Variants in NTN5 observed in about 807,000 individuals in gnomAD.
The protein encoded by NTN5 is netrin 5, also known as netrin-5.
NTN5 carries 42 observed loss-of-function variants against 38.7 expected under a neutral mutation model. That is an observed-to-expected ratio of 1.08 (90% confidence interval 0.85 to 1.40). The LOEUF is 1.40. Among genes scored for constraint, NTN5 ranks in the 40% most tolerant of loss-of-function variants. The pLI, the probability that NTN5 is intolerant of heterozygous loss-of-function variation, is 0.00. For missense variants in NTN5, 658 were observed against 716.5 expected, an observed-to-expected ratio of 0.92 and a Z score of 0.93; for synonymous variants, 329 against 303.9, an observed-to-expected ratio of 1.08 and a Z score of -0.86.
At chr19:48,663,878 C>G in intron 4 of NTN5, 64 bp from the exon 5 acceptor site, 2 of 1,519,598 alleles carry the variant, frequency 1.3e-6, no homozygotes, top group Non-Finnish European at 1.8e-6. Context: ...CGCCCCTGCC[C>G]CGGGAATCCA....
At chr19:48,669,627 C>T (rs1373055360) in intron 2 of NTN5, among the ~76,000 whole-genome samples, 1 of 394 alleles carries the variant, frequency 2.5e-3, no homozygotes, top group Non-Finnish European at 4.1e-3. Context: ...ACCATCACCA[C>T]CACCAGTCAT....
rs1212762367 is a variant in NTN5 at position 48,670,355 on chromosome 19, C to G, written c.631+1G>C. The stretch of plus-strand genomic sequence containing the variant: ...GGGAGAGTGAGGGGCGCAGGACTCA[C>G]GTAGGCAAGGGTGGGGGTGCCGGGG... On this transcript the variant is annotated splice_donor_variant, in intron 2 of 6. Coordinates refer to ENST00000270235, the MANE Select transcript of NTN5 (RefSeq NM_145807.4). LOFTEE classifies it high-confidence loss of function. The G allele has an allele frequency of 4.1e-5, 58 of 1,409,436 alleles. No individual in the cohort carries two copies. The highest frequency in any genetic ancestry group is 4.8e-5 in the Non-Finnish European group (52 of 1,082,754). The allele number at this position is 1,409,436 out of a possible 1,614,324, so 87.3% of individuals were successfully genotyped here. A position where few individuals can be genotyped will look rare whatever the true frequency, so the allele number is the denominator to read the frequency against.
At chr19:48,668,857 A>G (rs1001457049) in intron 2 of NTN5, among the ~76,000 whole-genome samples, 16 of 152,052 alleles carry the variant, frequency 1.1e-4, no homozygotes, top group African/African-American at 3.9e-4. Context: ...TTCCCCTACA[A>G]CTGTTCAATA....
intron 3 of NTN5, 91 bp downstream of exon 3, chr19:48,664,488 A>T: frequency 1.6e-6 from 2 of 1,278,478 alleles, no homozygotes; most frequent in South Asian, 1.6e-5. Context: ...CCTCAGATCC[A>T]GGAATCCAGG....
At chr19:48,669,477 T>G (rs1477119933) in intron 2 of NTN5, among the ~76,000 whole-genome samples, 2 of 63,322 alleles carry the variant, frequency 3.2e-5, no homozygotes, top group Admixed American at 1.7e-4. Flanking sequence ...ATCACCACCA[T>G]CACCACCATC....
intron 2 of NTN5, among the ~76,000 whole-genome samples, chr19:48,669,369 C>T (rs865971099): frequency 1.7e-5 from 1 of 58,906 alleles, no homozygotes. Context: ...ACCACCATCA[C>T]CACCACCACC....
rs775253130 is a variant in NTN5, at chr19:48,670,435, C to A, written c.552G>T (p.Pro184=). Reference sequence around the variant, plus strand: ...GGGACGGGCGGCAGCTCTCGCACCCCGGGCCAGTGGTATGGTGGCGGCAGT... The same window carrying A: ...GGGACGGGCGGCAGCTCTCGCACCCAGGGCCAGTGGTATGGTGGCGGCAGT... ...RCHCRHHTTG[P]GCESCRPSHR... Residue 184 remains proline, a synonymous_variant, in exon 2 of 7, where the codon CCG becomes CCT. Transcript: ENST00000270235. 6.8e-7 allele frequency: 1 copy of A among 1,461,330 alleles called. No homozygotes were observed. Among genetic ancestry groups the A allele is most frequent in the East Asian group, 2.5e-5 (1 of 39,512 alleles). 90.5% of individuals were successfully genotyped at this position (1,461,330 alleles called of 1,614,324 possible). A position where few individuals can be genotyped will look rare whatever the true frequency, so the allele number is the denominator to read the frequency against.
intron 1 of NTN5, 46 bp downstream of exon 1, chr19:48,672,886 C>A: frequency 5.0e-6 from 1 of 198,844 alleles, no homozygotes. Context: ...TGGCTCTTGG[C>A]ATGCACCCCC....
At position 48,670,423 on chromosome 19, in the gene NTN5, G is replaced by A. The variant is rs1032782840; in HGVS notation, c.564C>T (p.Ser188=). The A allele has an allele frequency of 2.1e-5, 31 of 1,450,744 alleles. No individual in the cohort carries two copies. Among genetic ancestry groups the A allele is most frequent in the Admixed American group, 2.9e-5 (1 of 34,978 alleles). 89.9% of individuals were successfully genotyped at this position (1,450,744 alleles called of 1,614,324 possible). Residue 188 remains serine (S), a synonymous_variant, in exon 2 of 7, where the codon AGC becomes AGT. Coordinates refer to ENST00000270235, the MANE Select transcript of NTN5 (RefSeq NM_145807.4). The part of the protein sequence containing the change: ...RHHTTGPGCE[S]CRPSHRDWPW... ...GCCAGTCTCGATGGGACGGGCGGCAGCTCTCGCACCCCGGGCCAGTGGTAT... is the reference window on the plus strand; with the variant it reads ...GCCAGTCTCGATGGGACGGGCGGCAACTCTCGCACCCCGGGCCAGTGGTAT...
In NTN5 at chr19:48,664,744, GGGC is replaced by G; in HGVS notation, c.652_654del (p.Ala218del). 6.4e-7 allele frequency: 1 copy of G among 1,572,564 alleles called. No homozygotes were observed. The highest frequency in any genetic ancestry group is 8.6e-7 in the Non-Finnish European group (1 of 1,160,212). On this transcript the variant is annotated inframe_deletion, in exon 3 of 7. Coordinates refer to ENST00000270235, the MANE Select transcript of NTN5 (RefSeq NM_145807.4). Reference sequence around the variant, plus strand: ...AGCTCAGAGTTGAACCGGCAGCGTCGGGCGTGCTGGTTGCAGGAGCAGGCTAGG... The same window carrying G: ...AGCTCAGAGTTGAACCGGCAGCGTCGGTGCTGGTTGCAGGAGCAGGCTAGG...
intron 2 of NTN5, among the ~76,000 whole-genome samples, chr19:48,669,712 CCAT>C (rs1568452447): frequency 8.3e-5 from 9 of 108,948 alleles, no homozygotes; most frequent in East Asian, 3.1e-4. Context: ...ACCATCACCA[CCAT>C]CACCACCACC....
chr19:48,664,382 G>A (rs1481421329), intron 3 of NTN5, 90 bp from the exon 4 acceptor site: 31 of 1,474,544 alleles, frequency 2.1e-5, no homozygotes, highest in Non-Finnish European at 2.7e-5. Context: ...AGCCTGGGGA[G>A]TCCAGGCCCC....
Position 48,670,507 on chromosome 19 carries a change from A to G in NTN5, c.480T>C (p.His160=). 3 of 1,484,628 alleles carry G rather than the reference A, an allele frequency of 2.0e-6. No individual in the cohort carries two copies. The highest frequency in any genetic ancestry group is 2.7e-6 in the Non-Finnish European group (3 of 1,115,596). 92.0% of individuals were successfully genotyped at this position (1,484,628 alleles called of 1,614,324 possible). A position where few individuals can be genotyped will look rare whatever the true frequency, so the allele number is the denominator to read the frequency against. The change falls in exon 2 of 7, where the codon CAT becomes CAC. Residue 160 remains histidine (H), a synonymous_variant. Coordinates refer to ENST00000270235, the MANE Select transcript of NTN5 (RefSeq NM_145807.4). Reference sequence around the variant, plus strand: ...GGGCGGCACAGCGGGCAGCGTGGCCATGACACTGGCAGCGGCCTCTCAGCC... The same window carrying G: ...GGGCGGCACAGCGGGCAGCGTGGCCGTGACACTGGCAGCGGCCTCTCAGCC... ...AAGLRGRCQC[H]GHAARCAARA...
At chr19:48,663,842 C>G (rs1438536144) in intron 4 of NTN5, 28 bp from the exon 5 acceptor site, 3 of 1,608,914 alleles carry the variant, frequency 1.9e-6, no homozygotes, top group Non-Finnish European at 2.6e-6. Context: ...AAATTAACCT[C>G]TTAGTCATTT....
At chr19:48,671,082 T>A in intron 1 of NTN5, 76 bp from the exon 2 acceptor site, 1 of 1,183,336 alleles carries the variant, frequency 8.5e-7, no homozygotes, top group Non-Finnish European at 1.1e-6. Context: ...CCTGTGGAAC[T>A]GGGGCATTCC....
chr19:48,662,258 A>G (rs1478213066), intron 6 of NTN5, among the ~76,000 whole-genome samples: 1 of 152,046 alleles, frequency 6.6e-6, no homozygotes, highest in Non-Finnish European at 1.5e-5. Flanking sequence ...GAGTTAAACT[A>G]TAGTAGGTGG....
chr19:48,669,097 T>TCACCATCACCACCAC (rs2031789246), intron 2 of NTN5, among the ~76,000 whole-genome samples: 2 of 86,104 alleles, frequency 2.3e-5, no homozygotes, highest in African/African-American at 4.9e-5. Flanking sequence ...ACCACCACCA[T>TCACCATCACCACCAC]CACCACTATC....
chr19:48,662,146 G>A, intron 6 of NTN5, 105 bp from the exon 7 acceptor site: 1 of 1,209,362 alleles, frequency 8.3e-7, no homozygotes, highest in Non-Finnish European at 1.1e-6. Context: ...CCGGTGGGTG[G>A]GCTTCTGGTA....
At chr19:48,671,783 G>C (rs2122149120) in intron 1 of NTN5, among the ~76,000 whole-genome samples, 1 of 152,220 alleles carries the variant, frequency 6.6e-6, no homozygotes, top group African/African-American at 2.4e-5. Flanking sequence ...CACGGAAGGG[G>C]ATTATCACCA....
Sources: gnomAD v4.1 joint callset for allele counts (sites outside exome capture counted in the v4.1 genomes callset) on GRCh38, gnomAD v4.1.1 for gene constraint, MANE v1.5 for transcripts, NCBI Gene and HGNC (gene_info 2026-07-23, HGNC 2026-07-21) for gene names.